MALL: variants seen among roughly 807,000 people sequenced by gnomAD.
MALL encodes mal, T cell differentiation protein like.
Under a neutral mutation model 10.3 loss-of-function variants are expected in MALL, and 2 were observed. That is an observed-to-expected ratio of 0.19 (90% CI 0.08 to 0.61). The LOEUF is 0.61. MALL is among the 20% of genes least tolerant of loss of function. The pLI, the probability that MALL is intolerant of heterozygous loss-of-function variation, is 0.88. For missense variants in MALL, 39 were observed against 115.2 expected (o/e 0.34, Z 3.03); for synonymous variants, 27 against 51.8 (o/e 0.52, Z 2.05).
chr2:110,097,147 C>T (rs185043460), intron 1 of MALL, among the ~76,000 whole-genome samples: 34 of 150,154 alleles, frequency 2.3e-4, no homozygotes, highest in Admixed American at 4.6e-4. Flanking sequence ...GAACAAACTC[C>T]AAGAATTTGT....
Position 110,100,252 on chromosome 2 carries a change from G to T in MALL, c.106-8482C>A, listed in dbSNP as rs1195106725. On this transcript the variant is annotated intron_variant, in intron 1 of 3. Coordinates refer to ENST00000272462, the MANE Select transcript of MALL (RefSeq NM_005434.5). ...CCAGCACTTTGGGAAGCTGAGGTGG[G>T]AGGATTGCTTGAGGCTAGGCATTTG... Among the ~76,000 whole-genome samples the T allele has an allele frequency of 3.9e-5, 6 of 152,280 alleles. No individual in the cohort carries two copies. In the South Asian group the frequency reaches 1.2e-3, roughly 32 times the overall value.
At chr2:110,116,789 G>T (rs1012500507), upstream of MALL, among the ~76,000 whole-genome samples, 1 of 152,238 alleles carries the variant, frequency 6.6e-6, no homozygotes, top group Non-Finnish European at 1.5e-5. Flanking sequence ...TTCCCGACCC[G>T]CCCTGAAACA....
chr2:110,102,247 AGTCT>A (rs1678586635), intron 1 of MALL, among the ~76,000 whole-genome samples: 1 of 152,144 alleles, frequency 6.6e-6, no homozygotes, highest in South Asian at 2.1e-4. Flanking sequence ...GCTGATCCCC[AGTCT>A]ATCTATGACT....
chr2:110,111,866 T>A (rs528527692), intron 1 of MALL, among the ~76,000 whole-genome samples: 1 of 152,224 alleles, frequency 6.6e-6, no homozygotes, highest in East Asian at 1.9e-4. Flanking sequence ...AACAGCATGA[T>A]ACTGGTATAA....
intron 1 of MALL, among the ~76,000 whole-genome samples, chr2:110,105,522 C>T (rs1406051131): frequency 6.6e-6 from 1 of 152,132 alleles, no homozygotes; most frequent in Non-Finnish European, 1.5e-5. Flanking sequence ...GGGAGCCAGA[C>T]CAAGGACAGG....
chr2:110,115,971 G>C (rs1678912238), upstream of MALL: 4 of 394,628 alleles, frequency 1.0e-5, no homozygotes, highest in East Asian at 1.4e-4. Flanking sequence ...GCGGCCCAGC[G>C]GCATCGGATG....
At chr2:110,103,462 C>T (rs1227876779) in intron 1 of MALL, among the ~76,000 whole-genome samples, 1 of 152,138 alleles carries the variant, frequency 6.6e-6, no homozygotes, top group Non-Finnish European at 1.5e-5. Flanking sequence ...CACTAGGGCC[C>T]TTTGCCCTGA....
intron 1 of MALL, among the ~76,000 whole-genome samples, chr2:110,108,613 T>C (rs1678742317): frequency 6.6e-6 from 1 of 152,126 alleles, no homozygotes; most frequent in Non-Finnish European, 1.5e-5. Context: ...CTGGAAAACA[T>C]ATTTGGAGGA....
chr2:110,117,614 TGTGTGTGTGTGA>T (rs1678944041), upstream of MALL, among the ~76,000 whole-genome samples: 4 of 134,176 alleles, frequency 3.0e-5, no homozygotes, highest in South Asian at 9.8e-4. Flanking sequence ...TGTGTGTGTG[TGTGTGTGTGTGA>T]GAGAGAGAGA....
intron 1 of MALL, among the ~76,000 whole-genome samples, chr2:110,102,967 C>A (rs765275932): frequency 1.8e-4 from 27 of 152,160 alleles, no homozygotes; most frequent in Admixed American, 2.0e-4. Context: ...CAGAAAGAGT[C>A]CAGATGGGCA....
chr2:110,100,735 C>T (rs1559030777), intron 1 of MALL, among the ~76,000 whole-genome samples: 1 of 152,166 alleles, frequency 6.6e-6, no homozygotes, highest in Non-Finnish European at 1.5e-5. Context: ...GGGTAGGCCA[C>T]AGCCCAGCAC....
intron 1 of MALL, among the ~76,000 whole-genome samples, chr2:110,112,712 A>G (rs1019923218): frequency 2.6e-5 from 4 of 152,062 alleles, no homozygotes; most frequent in Admixed American, 2.6e-4. Flanking sequence ...CTACCATTTG[A>G]TCCAGCAATC....
chr2:110,111,002 T>C lies in MALL; in HGVS notation c.105+4686A>G, dbSNP rs765347747. On this transcript the variant is annotated intron_variant, in intron 1 of 3. Transcript: ENST00000272462. ...ATTTCAATAGATGCAGAAAAAACAT[T>C]TGAAAAAATCCAGCATTGCTTTATT... Among the ~76,000 whole-genome samples, 8 of 152,242 alleles carry C rather than the reference T, an allele frequency of 5.3e-5. No homozygotes were observed. The East Asian group carries it at 1.5e-3, about 29-fold the overall frequency.
chr2:110,099,588 T>C (rs757017668), intron 1 of MALL, among the ~76,000 whole-genome samples: 1 of 152,178 alleles, frequency 6.6e-6, no homozygotes, highest in African/African-American at 2.4e-5. Flanking sequence ...CATTACAAAC[T>C]GTTTCTGTGG....
At chr2:110,116,786 C>A (rs1288587498), upstream of MALL, among the ~76,000 whole-genome samples, 1 of 152,202 alleles carries the variant, frequency 6.6e-6, no homozygotes, top group Non-Finnish European at 1.5e-5. Flanking sequence ...ATTTTCCCGA[C>A]CCGCCCTGAA....
At chr2:110,109,250 G>T (rs776078616) in intron 1 of MALL, among the ~76,000 whole-genome samples, 1 of 152,190 alleles carries the variant, frequency 6.6e-6, no homozygotes, top group East Asian at 1.9e-4. Flanking sequence ...CCACTTAAAA[G>T]ACACAAAACC....
chr2:110,107,259 C>T (rs1011325384), intron 1 of MALL, among the ~76,000 whole-genome samples: 3 of 152,114 alleles, frequency 2.0e-5, no homozygotes, highest in East Asian at 1.9e-4. Flanking sequence ...AAGATGCAGC[C>T]ACCGGGGGAA....
chr2:110,100,695 C>A (rs562520640), intron 1 of MALL, among the ~76,000 whole-genome samples: 3 of 152,184 alleles, frequency 2.0e-5, no homozygotes, highest in Admixed American at 6.5e-5. Flanking sequence ...CACCCCTGGA[C>A]CATTCCTCCC....
chr2:110,108,001 T>G (rs1678729360), intron 1 of MALL, among the ~76,000 whole-genome samples: 1 of 152,152 alleles, frequency 6.6e-6, no homozygotes, highest in Admixed American at 6.5e-5. Context: ...GAATACTACA[T>G]CAGGGGAACA....
Sources: gnomAD v4.1 joint callset for allele counts (sites outside exome capture counted in the v4.1 genomes callset) on GRCh38, gnomAD v4.1.1 for gene constraint, MANE v1.5 for transcripts, NCBI Gene and HGNC (gene_info 2026-07-23, HGNC 2026-07-21) for gene names.